ADCY10: variants seen among roughly 807,000 people sequenced by gnomAD.
The protein encoded by ADCY10 is adenylate cyclase 10, also known as adenylate cyclase type 10.
ADCY10 carries 156 observed loss-of-function variants against 183.3 expected under a neutral mutation model. The observed-to-expected ratio is 0.85, with a 90% CI of 0.75 to 0.97. The LOEUF is 0.97. Among genes scored for constraint, ADCY10 ranks in the 50% least tolerant of loss-of-function variants. The pLI, the probability that ADCY10 is intolerant of heterozygous loss-of-function variation, is 0.00. For missense variants in ADCY10, 1,745 were observed against 1,934.3 expected (o/e 0.90, Z 1.84); for synonymous variants, 645 against 670.0 (o/e 0.96, Z 0.58).
chr1:167,905,260 C>G (rs1669735099), intron 1 of ADCY10, 62 bp from the exon 2 acceptor site: 7 of 1,244,624 alleles, frequency 5.6e-6, no homozygotes, highest in South Asian at 1.2e-5. Context: ...TCCTATTGCT[C>G]TTTCTCCATT....
intron 5 of ADCY10, 97 bp downstream of exon 5, chr1:167,901,565 A>G (rs1337480337): frequency 7.9e-7 from 1 of 1,267,138 alleles, no homozygotes; most frequent in Admixed American, 1.7e-5. Flanking sequence ...GGGCTGAGCC[A>G]CCATGTTCTA....
intron 13 of ADCY10, among the ~76,000 whole-genome samples, chr1:167,873,049 G>T (rs375472067): frequency 5.3e-5 from 8 of 151,798 alleles, no homozygotes; most frequent in African/African-American, 1.9e-4. Context: ...CAGCCTGGGC[G>T]ACAGAGTGAG....
intron 12 of ADCY10, among the ~76,000 whole-genome samples, chr1:167,875,959 A>G (rs1270523916): frequency 6.6e-6 from 1 of 151,506 alleles, no homozygotes; most frequent in Non-Finnish European, 1.5e-5. Flanking sequence ...TCTCAAAAAG[A>G]AAAAAAAGGA....
chr1:167,824,930 C>T (rs1663173294), intron 26 of ADCY10, 75 bp from the exon 27 acceptor site: 3 of 1,367,408 alleles, frequency 2.2e-6, no homozygotes, highest in Non-Finnish European at 3.1e-6. Context: ...CAATGTCTGC[C>T]AGTAAATGTT....
At chr1:167,855,846 T>C (rs1665848762) in intron 17 of ADCY10, among the ~76,000 whole-genome samples, 1 of 151,916 alleles carries the variant, frequency 6.6e-6, no homozygotes, top group South Asian at 2.1e-4. Flanking sequence ...ACCCCATCTC[T>C]ACAGAAATAA....
intron 6 of ADCY10, among the ~76,000 whole-genome samples, chr1:167,897,061 G>A (rs1669031898): frequency 6.6e-6 from 1 of 151,870 alleles, no homozygotes; most frequent in African/African-American, 2.4e-5. Context: ...AAGGACGGGG[G>A]CTGATGGCCA....
In ADCY10 at chr1:167,840,023, T is replaced by C. The variant is rs1215517601; in HGVS notation, c.3008-2705A>G. On this transcript the variant is annotated intron_variant, in intron 21 of 32. Coordinates refer to ENST00000367851, the MANE Select transcript of ADCY10 (RefSeq NM_018417.6). ...TCGTTTGAGTCCAGGAGTTTGAGAC[T>C]AGCTTGGGCAACATGGCAAGACCTG... Among the ~76,000 whole-genome samples, 3 of 148,082 alleles carry C rather than the reference T, an allele frequency of 2.0e-5. No individual in the cohort carries two copies. In the East Asian group the frequency reaches 5.9e-4, roughly 29 times the overall value.
Position 167,880,205 on chromosome 1 carries a change from G to C in ADCY10, c.1140-14C>G, listed in dbSNP as rs1398495963. On this transcript the variant is annotated splice_polypyrimidine_tract_variant and intron_variant, in intron 10 of 32. Coordinates refer to ENST00000367851, the MANE Select transcript of ADCY10 (RefSeq NM_018417.6). ...ATGGATACAGTTCTGGTGCAGGGGA[G>C]ACAAGATTTGTGGGGAAAGAAATAA... The C allele has an allele frequency of 6.2e-6, 10 of 1,606,278 alleles. No homozygotes were observed. Among genetic ancestry groups the C allele is most frequent in the Admixed American group, 3.4e-5 (2 of 59,610 alleles).
intron 17 of ADCY10, 94 bp from the exon 18 acceptor site, chr1:167,854,583 C>A (rs1313061364): frequency 7.6e-6 from 11 of 1,454,544 alleles, no homozygotes; most frequent in Non-Finnish European, 1.1e-5. Context: ...AAAATAATTT[C>A]TTGTCATTCT....
rs748346950 is a variant in ADCY10, at chr1:167,810,927, A to AC, written c.4483-15dup. The stretch of plus-strand genomic sequence containing the variant: ...ATTCTCCAAGTTCTAAAGAAAAAAA[A>AC]CCCACAACAGTATATTAGAATTAAA... On this transcript the variant is annotated splice_polypyrimidine_tract_variant and intron_variant, in intron 31 of 32. Coordinates refer to ENST00000367851, the MANE Select transcript of ADCY10 (RefSeq NM_018417.6). 1 of 1,613,780 alleles carries AC rather than the reference A, an allele frequency of 6.2e-7. No individual in the cohort carries two copies. The highest frequency in any genetic ancestry group is 8.5e-7 in the Non-Finnish European group (1 of 1,179,696).
intron 32 of ADCY10, 92 bp downstream of exon 32, chr1:167,810,633 C>T: frequency 1.7e-6 from 2 of 1,207,788 alleles, no homozygotes; most frequent in Non-Finnish European, 1.2e-6. Context: ...TTGTTAATGG[C>T]AGCCTGGTGA....
At chr1:167,896,527 C>G (rs894683846) in intron 7 of ADCY10, 68 bp downstream of exon 7, 1 of 1,254,364 alleles carries the variant, frequency 8.0e-7, no homozygotes, top group Non-Finnish European at 1.2e-6. Flanking sequence ...ATGAAGCTGT[C>G]GGCATTGATA....
chr1:167,877,837 G>A (rs181648483), intron 12 of ADCY10, among the ~76,000 whole-genome samples: 3 of 152,314 alleles, frequency 2.0e-5, no homozygotes, highest in East Asian at 3.9e-4. Context: ...CCAGGATTAG[G>A]TGGGTGCTGA....
chr1:167,887,566 G>A (rs1209543473), intron 8 of ADCY10, among the ~76,000 whole-genome samples: 1 of 151,954 alleles, frequency 6.6e-6, no homozygotes, highest in African/African-American at 2.4e-5. Context: ...GAAGGGGGAG[G>A]GATAGCATTA....
intron 16 of ADCY10, among the ~76,000 whole-genome samples, chr1:167,857,828 T>C (rs2102031747): frequency 6.6e-6 from 1 of 152,322 alleles, no homozygotes; most frequent in African/African-American, 2.4e-5. Flanking sequence ...CAGTACATAA[T>C]CAAACACAGC....
intron 14 of ADCY10, among the ~76,000 whole-genome samples, chr1:167,868,713 A>G (rs1162293071): frequency 6.6e-6 from 1 of 152,238 alleles, no homozygotes; most frequent in Non-Finnish European, 1.5e-5. Context: ...TTCCCTGTCT[A>G]TGCTTTCCGC....
chr1:167,821,660 T>C (rs755433606), intron 30 of ADCY10, among the ~76,000 whole-genome samples: 31 of 152,322 alleles, frequency 2.0e-4, no homozygotes, highest in Middle Eastern at 3.4e-3. Context: ...TGTCAATCCA[T>C]GTGATTAGAT....
At chr1:167,821,362 TC>T (rs1322711321) in intron 30 of ADCY10, 1 of 153,920 alleles carries the variant, frequency 6.5e-6, no homozygotes, top group Admixed American at 6.4e-5. Flanking sequence ...CAGAACTCTT[TC>T]CCCGCTTTAC....
intron 30 of ADCY10, chr1:167,820,137 T>C (rs1184260247): frequency 1.9e-6 from 3 of 1,553,752 alleles, no homozygotes; most frequent in Non-Finnish European, 2.6e-6. Flanking sequence ...CTCAGCTTTT[T>C]GGATCCCTTA....
Sources: allele counts gnomAD v4.1 joint callset (sites outside exome capture counted in the v4.1 genomes callset), GRCh38; gene constraint gnomAD v4.1.1; transcripts MANE v1.5; gene names NCBI Gene and HGNC (gene_info 2026-07-23, HGNC 2026-07-21).